TMEM236: variants seen among roughly 807,000 people sequenced by gnomAD.
The protein encoded by TMEM236 is family with sequence similarity 23, member A.
In TMEM236, 11 loss-of-function variants were observed where a neutral mutation model predicts 14.7. The observed-to-expected ratio is 0.75, with a 90% confidence interval of 0.47 to 1.24. The LOEUF (loss-of-function observed/expected upper bound fraction) is 1.24, where lower values mean the gene tolerates loss of function less well. TMEM236 is among the 50% of genes most tolerant of loss of function. The pLI, the probability that TMEM236 is intolerant of heterozygous loss-of-function variation, is 0.00. For missense variants in TMEM236, 464 were observed against 427.3 expected (o/e 1.09, Z -0.76); for synonymous variants, 182 against 168.6 (o/e 1.08, Z -0.62).
Position 17,800,138 on chromosome 10 carries a change from A to G in TMEM236, c.*3634A>G, listed in dbSNP as rs1838073181. The G allele has an allele frequency of 6.6e-6, 1 of 151,788 alleles. No homozygotes were observed. Among genetic ancestry groups the G allele is most frequent in the African/African-American group, 2.4e-5 (1 of 41,352 alleles). The allele number at this position is 151,788 out of a possible 1,614,324, so 9.4% of individuals were successfully genotyped here. ...TAATCCCAGCTACTCGGGAGGCTGA[A>G]TCAGAATTGCTTGAACCCGGAGGGC... On this transcript the variant is annotated 3_prime_UTR_variant, in exon 4 of 4. Coordinates refer to ENST00000377495, the MANE Select transcript of TMEM236 (RefSeq NM_001098844.3).
At chr10:17,768,086 G>GTTTTTTTTTTT (rs879036347) in intron 1 of TMEM236, among the ~76,000 whole-genome samples, 7 of 92,020 alleles carry the variant, frequency 7.6e-5, no homozygotes, top group Admixed American at 1.2e-4. Context: ...AATTTTTGTG[G>GTTTTTTTTTTT]TTTTTTTTTT....
chr10:17,791,778 C>G (rs1837929393), intron 3 of TMEM236, among the ~76,000 whole-genome samples: 1 of 152,172 alleles, frequency 6.6e-6, no homozygotes. Context: ...CTTTGACTCC[C>G]CATTGAATCC....
chr10:17,769,971 C>G (rs1431633049), intron 1 of TMEM236, among the ~76,000 whole-genome samples: 2 of 152,136 alleles, frequency 1.3e-5, no homozygotes, highest in Non-Finnish European at 2.9e-5. Context: ...GGTAATTTTT[C>G]AACCCTTGAC....
chr10:17,778,944 T>C (rs1837701427), intron 3 of TMEM236, among the ~76,000 whole-genome samples: 1 of 152,208 alleles, frequency 6.6e-6, no homozygotes, highest in South Asian at 2.1e-4. Flanking sequence ...GTAATTATCA[T>C]GCAACAGCTT....
chr10:17,791,682 G>A (rs1837927909), intron 3 of TMEM236, among the ~76,000 whole-genome samples: 1 of 152,198 alleles, frequency 6.6e-6, no homozygotes, highest in Admixed American at 6.5e-5. Flanking sequence ...TCTACTACCT[G>A]CAAGTTCTTT....
chr10:17,754,486 G>A (rs1384070636), intron 1 of TMEM236, among the ~76,000 whole-genome samples: 1 of 151,786 alleles, frequency 6.6e-6, no homozygotes, highest in South Asian at 2.1e-4. Context: ...CACCACACCC[G>A]GCTACTTTTT....
rs1409820990 is a variant in TMEM236, at chr10:17,777,739, TG to T, written c.472+1570del. ...CATTTTATTTTTGTTAGTGATGAGTTGTTTTTTTGTTTTGTTTTGTTTTGTT... is the reference window on the plus strand; with the variant it reads ...CATTTTATTTTTGTTAGTGATGAGTTTTTTTTTGTTTTGTTTTGTTTTGTT... On this transcript the variant is annotated intron_variant, in intron 3 of 3. Transcript: ENST00000377495. Among the ~76,000 whole-genome samples, 22 of 152,114 alleles carry T rather than the reference TG, an allele frequency of 1.4e-4. No homozygotes were observed. In the South Asian group the frequency reaches 4.6e-3, roughly 32 times the overall value.
intron 3 of TMEM236, among the ~76,000 whole-genome samples, chr10:17,794,322 T>C (rs2131768981): frequency 6.6e-6 from 1 of 152,338 alleles, no homozygotes; most frequent in East Asian, 1.9e-4. Flanking sequence ...TCACGTCATA[T>C]GGCAGCTCAG....
chr10:17,798,723 T>G lies in TMEM236; in HGVS notation c.*2219T>G. ...TTTGAGGTAGGTTCTATAACCTCTGTGGGTCCCCGTTTCCACATGTAAAAG... is the reference window on the plus strand; with the variant it reads ...TTTGAGGTAGGTTCTATAACCTCTGGGGGTCCCCGTTTCCACATGTAAAAG... On this transcript the variant is annotated 3_prime_UTR_variant, in exon 4 of 4. Transcript: ENST00000377495. 1 of 533,944 alleles carries G rather than the reference T, an allele frequency of 1.9e-6. No homozygotes were observed. Among genetic ancestry groups the G allele is most frequent in the Non-Finnish European group, 3.9e-6 (1 of 259,668 alleles). The allele number at this position is 533,944 out of a possible 1,614,324, so 33.1% of individuals were successfully genotyped here.
chr10:17,769,592 CA>C (rs1837533828), intron 1 of TMEM236, among the ~76,000 whole-genome samples: 1 of 152,138 alleles, frequency 6.6e-6, no homozygotes, highest in African/African-American at 2.4e-5. Context: ...GTGGCTTGTC[CA>C]ATCTTACTTA....
intron 2 of TMEM236, among the ~76,000 whole-genome samples, chr10:17,773,116 G>C (rs1837600969): frequency 6.6e-6 from 1 of 152,188 alleles, no homozygotes; most frequent in Admixed American, 6.5e-5. Flanking sequence ...CAATTACAGA[G>C]AATGCGGCAG....
At chr10:17,758,589 T>C (rs1837313873) in intron 1 of TMEM236, among the ~76,000 whole-genome samples, 1 of 152,228 alleles carries the variant, frequency 6.6e-6, no homozygotes, top group East Asian at 1.9e-4. Flanking sequence ...ATCATGCGTG[T>C]AAAGTTCCTA....
At chr10:17,783,240 G>A (rs1837783138) in intron 3 of TMEM236, among the ~76,000 whole-genome samples, 2 of 152,272 alleles carry the variant, frequency 1.3e-5, no homozygotes, top group South Asian at 4.2e-4. Flanking sequence ...AGAAGAAAGT[G>A]ACTACTAGGG....
rs372570017 is a variant in TMEM236, at chr10:17,771,384, A to G, written c.330+3A>G. On this transcript the variant is annotated splice_donor_region_variant and intron_variant, in intron 2 of 3. Transcript: ENST00000377495. ...CCTTTTCCATAGCAGTGACTGAGGT[A>G]TGGAATTTTTGATTTCTTCTGCTAC... 27 of 1,613,288 alleles carry G rather than the reference A, an allele frequency of 1.7e-5. No individual in the cohort carries two copies. Among genetic ancestry groups the G allele is most frequent in the Admixed American group, 1.0e-4 (6 of 59,992 alleles).
At chr10:17,795,530 C>T (rs1198422906) in intron 3 of TMEM236, among the ~76,000 whole-genome samples, 1 of 152,150 alleles carries the variant, frequency 6.6e-6, no homozygotes, top group Non-Finnish European at 1.5e-5. Context: ...CAGGAAAATA[C>T]CAAGACACCA....
Position 17,796,162 on chromosome 10 carries a change from C to T in TMEM236, c.714C>T (p.Phe238=). The change falls in exon 4 of 4, where the codon TTC becomes TTT. Residue 238 remains phenylalanine, a synonymous_variant. Coordinates refer to ENST00000377495, the MANE Select transcript of TMEM236 (RefSeq NM_001098844.3). ...MSRRDVRAEL[F]LWSFLLWSDT... ...GGCGAGATGTCCGGGCAGAGTTATT[C>T]TTATGGAGCTTTCTCCTGTGGTCTG... is the stretch of plus-strand genomic sequence containing the variant. 6.2e-7 allele frequency: 1 copy of T among 1,613,952 alleles called. No individual in the cohort carries two copies. Among genetic ancestry groups the T allele is most frequent in the Admixed American group, 1.7e-5 (1 of 59,998 alleles).
intron 1 of TMEM236, among the ~76,000 whole-genome samples, chr10:17,752,915 C>T (rs967650347): frequency 1.6e-4 from 25 of 151,778 alleles, no homozygotes; most frequent in African/African-American, 4.6e-4. Context: ...GTCAAAGATA[C>T]GTTTGTTTGT....
At chr10:17,758,655 A>T (rs1837315600) in intron 1 of TMEM236, among the ~76,000 whole-genome samples, 1 of 152,200 alleles carries the variant, frequency 6.6e-6, no homozygotes. Context: ...ATGACCTCAA[A>T]CTGAATTTAC....
intron 1 of TMEM236, among the ~76,000 whole-genome samples, chr10:17,764,920 C>T (rs1837437698): frequency 6.8e-6 from 1 of 147,434 alleles, no homozygotes; most frequent in Non-Finnish European, 1.5e-5. Context: ...TCAACCTCTG[C>T]CTCCCAGATT....
Sources: gnomAD v4.1 joint callset for allele counts (sites outside exome capture counted in the v4.1 genomes callset) on GRCh38, gnomAD v4.1.1 for gene constraint, MANE v1.5 for transcripts, NCBI Gene and HGNC (gene_info 2026-07-23, HGNC 2026-07-21) for gene names.